Variants in OLFML1 observed in about 807,000 individuals in gnomAD.
OLFML1 encodes the protein olfactomedin like 1, also known as olfactomedin-like protein 1.
In OLFML1, 33 loss-of-function variants were observed where a neutral mutation model predicts 37.3. The ratio of observed to expected loss-of-function variants is 0.88; its 90% CI spans 0.67 to 1.18. The LOEUF is 1.18. Among genes scored for constraint, OLFML1 ranks in the 50% most tolerant of loss-of-function variants. The pLI, the probability that OLFML1 is intolerant of heterozygous loss-of-function variation, is 0.00. For missense variants in OLFML1, 545 were observed against 483.7 expected (o/e 1.13, Z -1.19); for synonymous variants, 186 against 181.3 (o/e 1.03, Z -0.21).
chr11:7,501,097 C>T (rs549202351), intron 2 of OLFML1, among the ~76,000 whole-genome samples: 4 of 152,154 alleles, frequency 2.6e-5, no homozygotes, highest in Non-Finnish European at 5.9e-5. Context: ...TGGTCACTCA[C>T]AGGCTTAAAC....
Position 7,497,721 on chromosome 11 carries a change from G to A in OLFML1, c.418+9306G>A, listed in dbSNP as rs538006219. Among the ~76,000 whole-genome samples the A allele has an allele frequency of 8.4e-4, 128 of 152,320 alleles. 1 individual carries two copies. Among genetic ancestry groups the A allele is most frequent in the African/African-American group, 3.1e-3 (128 of 41,566 alleles). ...AATAAAGTTGTTAGGGTTCAGGACA[G>A]GGTGCCATGGAATACTCTGAATTTA... is the stretch of plus-strand genomic sequence containing the variant. On this transcript the variant is annotated intron_variant, in intron 2 of 2. Transcript: ENST00000329293.
chr11:7,488,244 A>T lies in OLFML1; in HGVS notation c.247A>T (p.Ser83Cys), dbSNP rs1483965718. The change falls in exon 2 of 3, where the codon AGT becomes TGT. Residue 83 changes from serine (S) to cysteine (C), a missense_variant. Coordinates refer to ENST00000329293, the MANE Select transcript of OLFML1 (RefSeq NM_198474.4). ...TCAGACCTACACAAGTGAGTACAAG[A>T]GTGCAGTGGGTAACTTGGCACTGAG... ...RCQTYTSEYK[S>C]AVGNLALRVE... The T allele has an allele frequency of 3.1e-6, 5 of 1,614,118 alleles. No homozygotes were observed. In the South Asian group the frequency reaches 5.5e-5, roughly 18 times the overall value.
Position 7,488,231 on chromosome 11 carries a change from A to C in OLFML1, c.234A>C (p.Thr78=), listed in dbSNP as rs1321951397. The change falls in exon 2 of 3, where the codon ACA becomes ACC. Residue 78 remains threonine (T), a synonymous_variant. Coordinates refer to ENST00000329293, the MANE Select transcript of OLFML1 (RefSeq NM_198474.4). ...SVMLGRCQTY[T]SEYKSAVGNL... ...TGCTGGGAAGATGTCAGACCTACAC[A>C]AGTGAGTACAAGAGTGCAGTGGGTA... 1 of 1,614,062 alleles carries C rather than the reference A, an allele frequency of 6.2e-7. No homozygotes were observed. Among genetic ancestry groups the C allele is most frequent in the Non-Finnish European group, 8.5e-7 (1 of 1,179,968 alleles).
intron 2 of OLFML1, among the ~76,000 whole-genome samples, chr11:7,492,676 T>C (rs1848613100): frequency 6.6e-6 from 1 of 152,164 alleles, no homozygotes; most frequent in South Asian, 2.1e-4. Context: ...GGGTTTCAAC[T>C]CAGGGATGTT....
At chr11:7,494,293 C>G (rs369649172) in intron 2 of OLFML1, among the ~76,000 whole-genome samples, 127 of 152,314 alleles carry the variant, frequency 8.3e-4, no homozygotes, top group African/African-American at 2.9e-3. Context: ...TTGTGTTAAA[C>G]TAGTTCACAC....
At chr11:7,495,164 T>C (rs1221369937) in intron 2 of OLFML1, among the ~76,000 whole-genome samples, 6 of 152,170 alleles carry the variant, frequency 3.9e-5, no homozygotes, top group Admixed American at 3.3e-4. Flanking sequence ...CACTGCTCTC[T>C]CACCATCTCT....
At chr11:7,489,311 A>C (rs1212792652) in intron 2 of OLFML1, among the ~76,000 whole-genome samples, 1 of 152,140 alleles carries the variant, frequency 6.6e-6, no homozygotes, top group South Asian at 2.1e-4. Flanking sequence ...CTCAGTTTTG[A>C]ACAAAGAAGT....
In OLFML1 at chr11:7,485,638, T is replaced by A; in HGVS notation, c.-238T>A. ...GACCCAGGGAGCTCTCTGCCACAGG[T>A]CAGTCTACAAGGCCTCAGGGACCAA... On this transcript the variant is annotated 5_prime_UTR_variant, in exon 1 of 3. Transcript: ENST00000329293. The A allele has an allele frequency of 2.1e-6, 1 of 482,578 alleles. No individual in the cohort carries two copies. The highest frequency in any genetic ancestry group is 3.0e-5 in the South Asian group (1 of 33,024). 29.9% of individuals were successfully genotyped at this position (482,578 alleles called of 1,614,324 possible). A position where few individuals can be genotyped will look rare whatever the true frequency, so the allele number is the denominator to read the frequency against.
chr11:7,488,448 A>C, intron 2 of OLFML1, 33 bp downstream of exon 2: 1 of 1,550,132 alleles, frequency 6.5e-7, no homozygotes, highest in African/African-American at 1.4e-5. Flanking sequence ...TAGCCCTTCT[A>C]GGGACTATTA....
At chr11:7,497,073 C>T (rs764250419) in intron 2 of OLFML1, among the ~76,000 whole-genome samples, 9 of 152,112 alleles carry the variant, frequency 5.9e-5, no homozygotes, top group Non-Finnish European at 1.0e-4. Context: ...TCATGCTTTA[C>T]GTGAGTGTTG....
intron 2 of OLFML1, among the ~76,000 whole-genome samples, chr11:7,493,016 G>A (rs1848618695): frequency 1.3e-5 from 2 of 152,142 alleles, no homozygotes; most frequent in Admixed American, 1.3e-4. Context: ...TCCACAGGCA[G>A]CATTCTTGTA....
At chr11:7,506,005 T>C (rs1848781500) in intron 2 of OLFML1, among the ~76,000 whole-genome samples, 1 of 152,190 alleles carries the variant, frequency 6.6e-6, no homozygotes, top group African/African-American at 2.4e-5. Flanking sequence ...TTTTCAGTTA[T>C]AAGGTTCCTG....
At chr11:7,492,526 A>G (rs1848611315) in intron 2 of OLFML1, among the ~76,000 whole-genome samples, 1 of 152,220 alleles carries the variant, frequency 6.6e-6, no homozygotes, top group Non-Finnish European at 1.5e-5. Context: ...TATTTTAGGA[A>G]TATTATTCAG....
intron 1 of OLFML1, 24 bp from the exon 2 acceptor site, chr11:7,488,103 T>A (rs767401580): frequency 6.4e-7 from 1 of 1,570,652 alleles, no homozygotes; most frequent in South Asian, 1.2e-5. Flanking sequence ...AGCAATAATT[T>A]GCAAATTTAT....
At position 7,509,379 on chromosome 11, in the gene OLFML1, T is replaced by G. The variant is rs200276181; in HGVS notation, c.419-19T>G. 2.6e-5 allele frequency: 40 copies of G among 1,568,560 alleles called. No homozygotes were observed. The Admixed American group carries it at 5.6e-4, about 22-fold the overall frequency. ...TCATGTTTATAAAGTAATCTCTCCT[T>G]TTTCTCCTGTTTGGCCAGGCTGTGA... On this transcript the variant is annotated intron_variant, in intron 2 of 2. Coordinates refer to ENST00000329293, the MANE Select transcript of OLFML1 (RefSeq NM_198474.4).
At chr11:7,486,874 A>G (rs1848529958) in intron 1 of OLFML1, among the ~76,000 whole-genome samples, 1 of 152,254 alleles carries the variant, frequency 6.6e-6, no homozygotes, top group Non-Finnish European at 1.5e-5. Flanking sequence ...AATTCCACAT[A>G]GCAGGCCGAA....
intron 1 of OLFML1, among the ~76,000 whole-genome samples, chr11:7,486,783 G>A (rs1384435497): frequency 6.6e-6 from 1 of 152,082 alleles, no homozygotes; most frequent in Non-Finnish European, 1.5e-5. Context: ...CCCTCTTATT[G>A]CTAATAATTA....
At chr11:7,503,031 T>C (rs1024318474) in intron 2 of OLFML1, among the ~76,000 whole-genome samples, 1 of 152,196 alleles carries the variant, frequency 6.6e-6, no homozygotes, top group Non-Finnish European at 1.5e-5. Context: ...ATGGGAAAAG[T>C]AGGCAGAAAG....
At chr11:7,493,991 G>T (rs1481350840) in intron 2 of OLFML1, among the ~76,000 whole-genome samples, 1 of 152,186 alleles carries the variant, frequency 6.6e-6, no homozygotes, top group Non-Finnish European at 1.5e-5. Context: ...GATGCATAGG[G>T]TGTCACAAAA....
Sources: gnomAD v4.1 joint callset for allele counts (sites outside exome capture counted in the v4.1 genomes callset) on GRCh38, gnomAD v4.1.1 for gene constraint, MANE v1.5 for transcripts, NCBI Gene and HGNC (gene_info 2026-07-23, HGNC 2026-07-21) for gene names.